Variants in ST7L observed in about 807,000 individuals in gnomAD.
ST7L encodes the protein suppressor of tumorigenicity 7 protein-like.
Under a neutral mutation model 72.5 loss-of-function variants are expected in ST7L, and 57 were observed. The observed-to-expected ratio is 0.79, with a 90% confidence interval of 0.64 to 0.98. The LOEUF (loss-of-function observed/expected upper bound fraction) is 0.98, where lower values mean the gene tolerates loss of function less well. ST7L is among the 50% of genes least tolerant of loss of function. ST7L has a pLI of 0.00. For missense variants in ST7L, 576 were observed against 672.2 expected, an observed-to-expected ratio of 0.86 and a Z score of 1.58; for synonymous variants, 221 against 240.9, an observed-to-expected ratio of 0.92 and a Z score of 0.77.
At chr1:112,564,141 C>A (rs1571041483) in intron 11 of ST7L, among the ~76,000 whole-genome samples, 1 of 152,152 alleles carries the variant, frequency 6.6e-6, no homozygotes, top group East Asian at 1.9e-4. Context: ...ATAAACAGAA[C>A]TGCTATGTGA....
rs1357775445 is a variant in ST7L at position 112,523,998 on chromosome 1, T to A, written c.*2015A>T. The A allele has an allele frequency of 7.0e-6, 1 of 143,522 alleles. No homozygotes were observed. The highest frequency in any genetic ancestry group is 1.5e-5 in the Non-Finnish European group (1 of 64,854). 8.9% of individuals were successfully genotyped at this position (143,522 alleles called of 1,614,324 possible). On this transcript the variant is annotated 3_prime_UTR_variant, in exon 15 of 15. Transcript: ENST00000358039. ...AAAAATAAAATCAGGGGCTTCAGAT[T>A]AAAAAAAAAAACAAAAAACAAAAAA...
intron 11 of ST7L, among the ~76,000 whole-genome samples, chr1:112,570,234 C>A (rs1269708105): frequency 6.6e-6 from 1 of 151,716 alleles, no homozygotes; most frequent in African/African-American, 2.4e-5. Context: ...ATTTTTTTTA[C>A]TGTGGTACTA....
At chr1:112,592,043 T>G (rs1397449228) in intron 5 of ST7L, among the ~76,000 whole-genome samples, 3 of 152,014 alleles carry the variant, frequency 2.0e-5, no homozygotes, top group African/African-American at 7.2e-5. Flanking sequence ...TAATGAATGA[T>G]TCACTCTACG....
At chr1:112,531,796 C>T (rs947619848) in intron 14 of ST7L, among the ~76,000 whole-genome samples, 2 of 152,114 alleles carry the variant, frequency 1.3e-5, no homozygotes, top group Admixed American at 1.3e-4. Flanking sequence ...CAATCATTAC[C>T]ATATTTTAGC....
At chr1:112,533,656 G>A (rs1304063906) in intron 14 of ST7L, among the ~76,000 whole-genome samples, 1 of 151,604 alleles carries the variant, frequency 6.6e-6, no homozygotes, top group African/African-American at 2.4e-5. Flanking sequence ...ATATATGTAT[G>A]TATGTACCTA....
chr1:112,619,359 C>A (rs113149417), upstream of ST7L: 29 of 585,382 alleles, frequency 5.0e-5, no homozygotes, highest in South Asian at 6.3e-4. Context: ...GAGATGTGAC[C>A]CCGAAGTGTT....
At chr1:112,564,319 A>C (rs1660615780) in intron 11 of ST7L, among the ~76,000 whole-genome samples, 1 of 152,148 alleles carries the variant, frequency 6.6e-6, no homozygotes, top group South Asian at 2.1e-4. Context: ...TTCATATCTC[A>C]ACTCTTCTAC....
intron 1 of ST7L, among the ~76,000 whole-genome samples, chr1:112,617,777 CTA>C (rs1670144580): frequency 1.3e-5 from 2 of 150,734 alleles, no homozygotes; most frequent in East Asian, 3.9e-4. Context: ...AAAGAAAAAT[CTA>C]TAGTAATCAA....
chr1:112,574,267 G>A (rs1156428009), intron 11 of ST7L, among the ~76,000 whole-genome samples: 7 of 144,536 alleles, frequency 4.8e-5, no homozygotes, highest in Admixed American at 6.9e-5. Context: ...CCCAGGCTGC[G>A]GTGTAATGGC....
At chr1:112,613,328 A>AG (rs11458151) in intron 2 of ST7L, among the ~76,000 whole-genome samples, 35,752 of 152,074 alleles carry the variant, frequency 0.24, 4,353 homozygotes, top group Middle Eastern at 0.26. Flanking sequence ...CATTATGCCA[A>AG]TCCTTGACAT....
At chr1:112,613,894 A>T (rs1669453498) in intron 2 of ST7L, among the ~76,000 whole-genome samples, 1 of 152,000 alleles carries the variant, frequency 6.6e-6, no homozygotes, top group South Asian at 2.1e-4. Context: ...CAACGCGCTA[A>T]ATTTTTAAAA....
intron 14 of ST7L, chr1:112,529,599 G>A (rs949099004): frequency 7.9e-5 from 12 of 152,040 alleles, no homozygotes; most frequent in African/African-American, 2.9e-4. Flanking sequence ...GCTATTATAA[G>A]ATAGGCATAG....
At chr1:112,546,588 A>G (rs1415386814) in intron 13 of ST7L, among the ~76,000 whole-genome samples, 1 of 152,184 alleles carries the variant, frequency 6.6e-6, no homozygotes, top group Non-Finnish European at 1.5e-5. Context: ...GAAAGACTGA[A>G]AAAAGCAGCC....
At chr1:112,568,861 AATAT>A (rs377429784) in intron 11 of ST7L, among the ~76,000 whole-genome samples, 36 of 114,886 alleles carry the variant, frequency 3.1e-4, no homozygotes, top group African/African-American at 5.6e-4. Flanking sequence ...TATAAATATA[AATAT>A]ATATATATAT....
At chr1:112,556,258 T>C (rs1369082527) in intron 11 of ST7L, among the ~76,000 whole-genome samples, 15 of 152,174 alleles carry the variant, frequency 9.9e-5, no homozygotes, top group Non-Finnish European at 2.9e-5. Context: ...GGCATATGTG[T>C]GGCCTGGCTA....
intron 11 of ST7L, among the ~76,000 whole-genome samples, chr1:112,566,482 C>A (rs507213): frequency 0.64 from 97,175 of 151,358 alleles, 32,987 homozygotes; most frequent in African/African-American, 0.86. Context: ...TATTTTTAGT[C>A]GAGATGGGGT....
intron 5 of ST7L, among the ~76,000 whole-genome samples, chr1:112,595,534 C>T (rs912532455): frequency 1.3e-5 from 2 of 152,086 alleles, no homozygotes; most frequent in African/African-American, 4.8e-5. Flanking sequence ...GATCCACCCA[C>T]CTCAGCCTCT....
At chr1:112,582,728 T>C (rs944819076) in intron 7 of ST7L, among the ~76,000 whole-genome samples, 9 of 152,158 alleles carry the variant, frequency 5.9e-5, no homozygotes, top group African/African-American at 2.4e-5. Flanking sequence ...TTGCCTCTAA[T>C]AGTAACTTAA....
intron 8 of ST7L, 62 bp downstream of exon 8, chr1:112,582,313 C>T (rs935498295): frequency 8.0e-7 from 1 of 1,254,738 alleles, no homozygotes; most frequent in Admixed American, 2.1e-5. Context: ...TAACTGGCAA[C>T]TTAACTAAAT....
Sources: gnomAD v4.1 joint callset for allele counts (sites outside exome capture counted in the v4.1 genomes callset) on GRCh38, gnomAD v4.1.1 for gene constraint, MANE v1.5 for transcripts, NCBI Gene and HGNC (gene_info 2026-07-23, HGNC 2026-07-21) for gene names.